The following MTNR1A variants were observed in gnomAD, a reference collection of about 807,000 sequenced individuals.
MTNR1A encodes melatonin receptor type 1A.
A neutral mutation model predicts 5.5 loss-of-function variants in MTNR1A; 7 were observed. The ratio of observed to expected loss-of-function variants is 1.28; its 90% CI spans 0.73 to 2.40. The LOEUF (loss-of-function observed/expected upper bound fraction) is 2.40, where lower values mean the gene tolerates loss of function less well. Ranked by LOEUF, MTNR1A falls within the 30% of genes most tolerant of loss-of-function variation. The pLI is 0.00. For missense variants in MTNR1A, 441 were observed against 464.4 expected, an observed-to-expected ratio of 0.95 and a Z score of 0.46; for synonymous variants, 196 against 202.7, an observed-to-expected ratio of 0.97 and a Z score of 0.28.
rs886966262 is a variant in MTNR1A, at chr4:186,533,893, C to T, written c.849G>A (p.Met283Ile). The T allele has an allele frequency of 2.5e-6, 4 of 1,613,998 alleles. No homozygotes were observed. Among genetic ancestry groups the T allele is most frequent in the Non-Finnish European group, 3.4e-6 (4 of 1,180,020 alleles). The part of the protein sequence containing the change: ...PEWLFVASYY[M>I]AYFNSCLNAI... ...CATTGAGGCAGCTGTTGAAATACGC[C>T]ATGTAGTAACTGGCCACAAACAGCC... The change falls in exon 2 of 2, where the codon ATG becomes ATA. Residue 283 changes from methionine (M) to isoleucine (I), a missense_variant. Physicochemically the swap from Met to Ile is conservative, Grantham distance 10. Transcript: ENST00000307161.
chr4:186,534,520 C>A lies in MTNR1A; in HGVS notation c.222G>T (p.Leu74=), dbSNP rs770375485. 1 of 1,613,714 alleles carries A rather than the reference C, an allele frequency of 6.2e-7. No homozygotes were observed. Among genetic ancestry groups the A allele is most frequent in the Non-Finnish European group, 8.5e-7 (1 of 1,180,030 alleles). ...IFVVSLAVAD[L]VVAIYPYPLV... is the part of the protein sequence containing the mutation. ...ACGGGTACGGATAAATGGCCACCAC[C>A]AGGTCTGCCACCGCTAAGCTCACCA... Residue 74 remains leucine, a synonymous_variant, in exon 2 of 2, where the codon CTG becomes CTT. Coordinates refer to ENST00000307161, the MANE Select transcript of MTNR1A (RefSeq NM_005958.4).
intron 1 of MTNR1A, among the ~76,000 whole-genome samples, chr4:186,542,720 T>G (rs13126117): frequency 6.6e-6 from 1 of 152,086 alleles, no homozygotes. Flanking sequence ...GCAAAATGTT[T>G]GCTTCCTTTC....
chr4:186,554,585 T>C (rs369594062), intron 1 of MTNR1A, among the ~76,000 whole-genome samples: 2 of 152,190 alleles, frequency 1.3e-5, no homozygotes, highest in African/African-American at 4.8e-5. Context: ...GTGTACTCTT[T>C]CCTGCTCACG....
At chr4:186,548,060 A>C (rs1737193934) in intron 1 of MTNR1A, among the ~76,000 whole-genome samples, 1 of 152,206 alleles carries the variant, frequency 6.6e-6, no homozygotes, top group Non-Finnish European at 1.5e-5. Context: ...TTTAGGATGA[A>C]ACTTTAACAA....
intron 1 of MTNR1A, 94 bp from the exon 2 acceptor site, chr4:186,534,651 G>T: frequency 6.8e-7 from 1 of 1,462,816 alleles, no homozygotes; most frequent in Non-Finnish European, 9.4e-7. Flanking sequence ...CTGCAGCTCC[G>T]ATGACCTGAC....
At chr4:186,553,286 G>T (rs1474327312) in intron 1 of MTNR1A, among the ~76,000 whole-genome samples, 1 of 152,136 alleles carries the variant, frequency 6.6e-6, no homozygotes, top group African/African-American at 2.4e-5. Flanking sequence ...TCCTCAAATG[G>T]CTTGAACCGC....
Position 186,533,689 on chromosome 4 carries a change from T to G in MTNR1A, c.1053A>C (p.Ter351TyrextTer?). 1 of 1,614,014 alleles carries G rather than the reference T, an allele frequency of 6.2e-7. No homozygotes were observed. The highest frequency in any genetic ancestry group is 8.5e-7 in the Non-Finnish European group (1 of 1,180,050). ...NNNVVKVDSV[*>Y] ...ATCTCACCCGGAACGTGGTGCTTTT[T>G]TAAACGGAGTCCACCTTTACTACAT... The change falls in exon 2 of 2, where the codon TAA becomes TAC. Residue 351 changes from the stop codon to tyrosine (Y), a stop_lost. Coordinates refer to ENST00000307161, the MANE Select transcript of MTNR1A (RefSeq NM_005958.4).
In MTNR1A at chr4:186,542,134, C is replaced by T. The variant is rs543658600; in HGVS notation, c.185-7577G>A. 2.2e-4 allele frequency among the ~76,000 whole-genome samples: 33 copies of T among 152,350 alleles called. 1 individual carries two copies. The highest frequency in any genetic ancestry group is 7.2e-4 in the African/African-American group (30 of 41,580). On this transcript the variant is annotated intron_variant, in intron 1 of 1. Transcript: ENST00000307161. Reference sequence around the variant, plus strand: ...TGATCTGGATGCAGCCACTGCTGCACTGCTGAATGTCCAGCCTGCCAAGAG... The same window carrying T: ...TGATCTGGATGCAGCCACTGCTGCATTGCTGAATGTCCAGCCTGCCAAGAG...
At chr4:186,536,074 A>G (rs28561835) in intron 1 of MTNR1A, among the ~76,000 whole-genome samples, 90,156 of 152,020 alleles carry the variant, frequency 0.59, 28,796 homozygotes, top group Non-Finnish European at 0.73. Context: ...GGTTGGGCGC[A>G]GTGGCTCACA....
rs181390925 is a variant in MTNR1A at position 186,550,864 on chromosome 4, T to C, written c.184+4318A>G. On this transcript the variant is annotated intron_variant, in intron 1 of 1. Coordinates refer to ENST00000307161, the MANE Select transcript of MTNR1A (RefSeq NM_005958.4). ...TTTACAGGGGATTCTGGGAATTACT[T>C]TGACATATTTGTAAAAACTTAGGGT... 3.9e-5 allele frequency among the ~76,000 whole-genome samples: 6 copies of C among 152,334 alleles called. No homozygotes were observed. In the East Asian group the frequency reaches 7.7e-4, roughly 20 times the overall value.
Position 186,555,517 on chromosome 4 carries a change from C to T in MTNR1A, c.-152G>A, listed in dbSNP as rs1258951529. 1 of 496,932 alleles carries T rather than the reference C, an allele frequency of 2.0e-6. No homozygotes were observed. The allele number at this position is 496,932 out of a possible 1,614,324, so 30.8% of individuals were successfully genotyped here. On this transcript the variant is annotated 5_prime_UTR_variant, in exon 1 of 2. Transcript: ENST00000307161. This position sits in a 1 kb window ranked among gnomAD's most constrained non-coding sequence, Gnocchi z 4.1. ...CCCCGGACGCCCACGCCGCGCCGGA[C>T]GCCACGGCCAGGTGACACCTGGTGT...
intron 1 of MTNR1A, among the ~76,000 whole-genome samples, chr4:186,539,563 C>A (rs914910240): frequency 6.6e-6 from 1 of 152,172 alleles, no homozygotes; most frequent in African/African-American, 2.4e-5. Flanking sequence ...GGAGCCCTTA[C>A]AGATAAGATT....
intron 1 of MTNR1A, among the ~76,000 whole-genome samples, chr4:186,551,498 A>C (rs1010840257): frequency 1.3e-5 from 2 of 152,148 alleles, no homozygotes; most frequent in African/African-American, 4.8e-5. Flanking sequence ...TAACATCATA[A>C]TACTATTATT....
At chr4:186,550,753 C>T (rs1347745925) in intron 1 of MTNR1A, among the ~76,000 whole-genome samples, 2 of 152,212 alleles carry the variant, frequency 1.3e-5, no homozygotes. Flanking sequence ...GCCAGAAATA[C>T]TTTCTTACGA....
Position 186,555,369 on chromosome 4 carries a change from C to T in MTNR1A, c.-4G>A, listed in dbSNP as rs929734065. 3.4e-6 allele frequency: 5 copies of T among 1,461,386 alleles called. No homozygotes were observed. The African/African-American group carries it at 4.4e-5, about 13-fold the overall frequency. 90.5% of individuals were successfully genotyped at this position (1,461,386 alleles called of 1,614,324 possible). On this transcript the variant is annotated 5_prime_UTR_variant, in exon 1 of 2. Coordinates refer to ENST00000307161, the MANE Select transcript of MTNR1A (RefSeq NM_005958.4). The surrounding 1 kb of genome is among the most constrained non-coding windows in gnomAD (Gnocchi z 4.1). ...GCGCGCTGCCGTTGCCCTGCATGGT[C>T]CCTGTGCGCGTCCCGGCCGCGGGGC...
At position 186,534,250 on chromosome 4, in the gene MTNR1A, A is replaced by G; in HGVS notation, c.492T>C (p.Arg164=). ...TCGGGTCGTACTGGAGAGTCCCTGC[A>G]CGGAGGTTGGGCAGGACGGCCGCCA... ...LTLAAVLPNL[R]AGTLQYDPRI... Residue 164 remains arginine (R), a synonymous_variant, in exon 2 of 2, where the codon CGT becomes CGC. Coordinates refer to ENST00000307161, the MANE Select transcript of MTNR1A (RefSeq NM_005958.4). 6.2e-7 allele frequency: 1 copy of G among 1,614,150 alleles called. No homozygotes were observed. Among genetic ancestry groups the G allele is most frequent in the Non-Finnish European group, 8.5e-7 (1 of 1,180,018 alleles).
chr4:186,542,284 A>C (rs910059473), intron 1 of MTNR1A, among the ~76,000 whole-genome samples: 2 of 152,136 alleles, frequency 1.3e-5, no homozygotes, highest in Non-Finnish European at 2.9e-5. Flanking sequence ...ACAGAGGCAT[A>C]CTCTGAATAT....
At chr4:186,546,308 A>T (rs1737140377) in intron 1 of MTNR1A, among the ~76,000 whole-genome samples, 1 of 151,922 alleles carries the variant, frequency 6.6e-6, no homozygotes, top group East Asian at 1.9e-4. Context: ...GTCTCTCCAT[A>T]GCCGATGAGC....
intron 1 of MTNR1A, among the ~76,000 whole-genome samples, chr4:186,542,530 G>C (rs1444513604): frequency 6.6e-6 from 1 of 152,172 alleles, no homozygotes; most frequent in African/African-American, 2.4e-5. Flanking sequence ...AATGGCTTTT[G>C]AAGGTTCAGT....
Sources: allele counts gnomAD v4.1 joint callset (sites outside exome capture counted in the v4.1 genomes callset), GRCh38; gene constraint gnomAD v4.1.1; non-coding constraint Gnocchi (gnomAD v3.1); transcripts MANE v1.5; gene names NCBI Gene and HGNC (gene_info 2026-07-23, HGNC 2026-07-21).